MARCHF10: variants seen among roughly 807,000 people sequenced by gnomAD.
The protein encoded by MARCHF10 is membrane associated ring-CH-type finger 10, also known as probable E3 ubiquitin-protein ligase MARCHF10.
In MARCHF10, 64 loss-of-function variants were observed where a neutral mutation model predicts 76.2. The ratio of observed to expected loss-of-function variants is 0.84; its 90% CI spans 0.69 to 1.03. The LOEUF is 1.03. Among genes scored for constraint, MARCHF10 ranks in the 50% least tolerant of loss-of-function variants. The probability of loss-of-function intolerance (pLI) is 0.00; values close to 1 mark genes in which losing one functional copy is unlikely to be tolerated. For missense variants in MARCHF10, 875 were observed against 958.0 expected, an observed-to-expected ratio of 0.91 and a Z score of 1.14; for synonymous variants, 340 against 357.5, an observed-to-expected ratio of 0.95 and a Z score of 0.55.
chr17:62,726,769 T>C (rs2090775645), intron 6 of MARCHF10, among the ~76,000 whole-genome samples: 1 of 152,126 alleles, frequency 6.6e-6, no homozygotes, highest in Admixed American at 6.6e-5. Flanking sequence ...GCTGGGATTA[T>C]AGGCGTGCAC....
intron 3 of MARCHF10, among the ~76,000 whole-genome samples, chr17:62,764,119 A>G (rs1222011169): frequency 6.6e-6 from 1 of 152,174 alleles, no homozygotes; most frequent in Non-Finnish European, 1.5e-5. Flanking sequence ...TGTGAGAATG[A>G]TTCAATTCTT....
chr17:62,711,192 G>A lies in MARCHF10; in HGVS notation c.2328+39C>T, dbSNP rs1568094371. On this transcript the variant is annotated intron_variant, in intron 9 of 10. Transcript: ENST00000311269. The surrounding 1 kb of genome is among the most constrained non-coding windows in gnomAD (Gnocchi z 4.4). ...ATAAACAGCACTGCAGGGTTTTCAG[G>A]GCTGCCACCGGACAGCTCTGGGTCA... The A allele has an allele frequency of 1.3e-6, 2 of 1,563,340 alleles. No individual in the cohort carries two copies. The highest frequency in any genetic ancestry group is 2.2e-5 in the East Asian group (1 of 44,604).
chr17:62,804,180 C>T (rs1222823912), intron 1 of MARCHF10, among the ~76,000 whole-genome samples: 3 of 152,164 alleles, frequency 2.0e-5, no homozygotes, highest in East Asian at 1.9e-4. Flanking sequence ...TGCCAGCATT[C>T]GCTTCAGAAA....
chr17:62,778,393 C>T (rs974898514), intron 3 of MARCHF10, among the ~76,000 whole-genome samples: 1 of 152,120 alleles, frequency 6.6e-6, no homozygotes, highest in African/African-American at 2.4e-5. Flanking sequence ...AGGTATCTAT[C>T]TCTCTTATAG....
At chr17:62,772,167 A>G (rs1287565074) in intron 3 of MARCHF10, among the ~76,000 whole-genome samples, 2 of 152,176 alleles carry the variant, frequency 1.3e-5, no homozygotes, top group African/African-American at 2.4e-5. Context: ...CCCATGTGTC[A>G]TGGGAGGGAC....
At chr17:62,749,244 C>A (rs779494021) in intron 4 of MARCHF10, among the ~76,000 whole-genome samples, 7 of 152,172 alleles carry the variant, frequency 4.6e-5, no homozygotes, top group African/African-American at 7.2e-5. Flanking sequence ...TTGTACAAGA[C>A]CCTGACAAGT....
Position 62,736,053 on chromosome 17 carries a change from T to A in MARCHF10, c.1815A>T (p.Ala605=), listed in dbSNP as rs1396674822. The stretch of plus-strand genomic sequence containing the variant: ...CATTTTGATTTGGGAAATGAGACAC[T>A]GCAAAGAAAGTAAATGGTGTATTTT... ...LQENTPFTFF[A]VSHFPNQNDN... The change falls in exon 6 of 11, where the codon GCA becomes GCT. Residue 605 remains alanine, a synonymous_variant. Transcript: ENST00000311269. 1 of 1,614,188 alleles carries A rather than the reference T, an allele frequency of 6.2e-7. No homozygotes were observed. Among genetic ancestry groups the A allele is most frequent in the Non-Finnish European group, 8.5e-7 (1 of 1,180,028 alleles).
Position 62,744,519 on chromosome 17 carries a change from G to A in MARCHF10, c.392C>T (p.Ala131Val). The A allele has an allele frequency of 6.2e-7, 1 of 1,613,634 alleles. No homozygotes were observed. Among genetic ancestry groups the A allele is most frequent in the Non-Finnish European group, 8.5e-7 (1 of 1,179,906 alleles). ...DPSEPSPADQ[A>V]PMVLLRKRKP... is the part of the protein sequence containing the mutation. ...CCTCTTTCTTAATAAAACCATTGGT[G>A]CTTGGTCTGCTGAAAGATGCAAAGT... Residue 131 changes from alanine (A) to valine (V), a missense_variant, in exon 5 of 11, where the codon GCA becomes GTA. Ala to Val is a moderately conservative substitution (Grantham distance 64, BLOSUM62 0). Transcript: ENST00000311269.
intron 4 of MARCHF10, chr17:62,747,088 T>G (rs1477087577): frequency 1.3e-6 from 1 of 754,748 alleles, no homozygotes; most frequent in African/African-American, 1.7e-5. Flanking sequence ...GCCTGCACGC[T>G]CCTTAAGAAT....
In MARCHF10 at chr17:62,782,860, T is replaced by C. The variant is rs149631508; in HGVS notation, c.210+5620A>G. 1.0e-2 allele frequency among the ~76,000 whole-genome samples: 1,518 copies of C among 152,276 alleles called. 18 individuals are homozygous for C. The highest frequency in any genetic ancestry group is 0.02 in the South Asian group (97 of 4,828). On this transcript the variant is annotated intron_variant, in intron 3 of 10. Transcript: ENST00000311269. The stretch of plus-strand genomic sequence containing the variant: ...CAAGTTGAATGGCTGTTAAGAATGA[T>C]GCATTCAGTGACACTTCCTCTCACC...
At position 62,701,421 on chromosome 17, in the gene MARCHF10, T is replaced by C; in HGVS notation, c.*282A>G. 1.7e-6 allele frequency: 1 copy of C among 586,252 alleles called. No homozygotes were observed. Among genetic ancestry groups the C allele is most frequent in the Non-Finnish European group, 2.8e-6 (1 of 352,626 alleles). 36.3% of individuals were successfully genotyped at this position (586,252 alleles called of 1,614,324 possible). ...CAGTGGGACCCCAGGCCACTGGACC[T>C]GGCAGGGCTTCTGGGCTAAGGGGGC... On this transcript the variant is annotated 3_prime_UTR_variant, in exon 11 of 11. Transcript: ENST00000311269.
Position 62,736,062 on chromosome 17 carries a change from A to T in MARCHF10, c.1806T>A (p.Thr602=), listed in dbSNP as rs751487439. Residue 602 remains threonine, a synonymous_variant, in exon 6 of 11, where the codon ACT becomes ACA. Coordinates refer to ENST00000311269, the MANE Select transcript of MARCHF10 (RefSeq NM_152598.4). ...TTGGGAAATGAGACACTGCAAAGAA[A>T]GTAAATGGTGTATTTTCTTGCAGAG... ...SGSLQENTPF[T]FFAVSHFPNQ... 8 of 1,614,106 alleles carry T rather than the reference A, an allele frequency of 5.0e-6. No individual in the cohort carries two copies. Among genetic ancestry groups the T allele is most frequent in the African/African-American group, 1.3e-5 (1 of 74,922 alleles).
intron 2 of MARCHF10, among the ~76,000 whole-genome samples, chr17:62,793,224 TGCC>T (rs2092905871): frequency 4.4e-5 from 1 of 22,796 alleles, no homozygotes; most frequent in Non-Finnish European, 9.3e-5. Flanking sequence ...CCACCTCCAC[TGCC>T]ACCACCACCT....
rs577916472 is a variant in MARCHF10 at position 62,733,552 on chromosome 17, C to T, written c.1937+2379G>A. Among the ~76,000 whole-genome samples the T allele has an allele frequency of 2.6e-5, 4 of 152,244 alleles. No individual in the cohort carries two copies. The South Asian group carries it at 8.3e-4, about 32-fold the overall frequency. On this transcript the variant is annotated intron_variant, in intron 6 of 10. Transcript: ENST00000311269. ...GTACAGTGGAAAATGTGTTCACCAC[C>T]AGCCCACCAGCCCACCAGCCCAGCT...
At chr17:62,741,186 T>C (rs2091491240) in intron 5 of MARCHF10, among the ~76,000 whole-genome samples, 1 of 152,246 alleles carries the variant, frequency 6.6e-6, no homozygotes, top group Non-Finnish European at 1.5e-5. Context: ...ATATTAATTA[T>C]AGTATAAAGG....
chr17:62,749,902 G>T (rs1385298160), intron 4 of MARCHF10: 2 of 152,308 alleles, frequency 1.3e-5, no homozygotes, highest in African/African-American at 4.8e-5. Flanking sequence ...AGACGCATTA[G>T]GAGAGCCTGT....
At chr17:62,724,875 A>G in intron 7 of MARCHF10, 63 bp downstream of exon 7, 4 of 1,580,990 alleles carry the variant, frequency 2.5e-6, no homozygotes, top group Non-Finnish European at 3.4e-6. Flanking sequence ...CGGGGCCCAC[A>G]CCGTGGTGCC....
intron 3 of MARCHF10, among the ~76,000 whole-genome samples, chr17:62,779,806 C>T (rs951045142): frequency 2.6e-5 from 4 of 152,186 alleles, no homozygotes; most frequent in Admixed American, 1.3e-4. Flanking sequence ...TCCAATATGG[C>T]AGCCGGATGG....
At chr17:62,779,719 T>C (rs1443154894) in intron 3 of MARCHF10, among the ~76,000 whole-genome samples, 1 of 152,234 alleles carries the variant, frequency 6.6e-6, no homozygotes, top group African/African-American at 2.4e-5. Context: ...GTTTTGTTTT[T>C]GAGCTTGACT....
Sources: gnomAD v4.1 joint callset for allele counts (sites outside exome capture counted in the v4.1 genomes callset) on GRCh38, gnomAD v4.1.1 for gene constraint, Gnocchi (gnomAD v3.1) non-coding constraint, MANE v1.5 for transcripts, NCBI Gene and HGNC (gene_info 2026-07-23, HGNC 2026-07-21) for gene names.